Variants in GPR107 observed in about 807,000 individuals in gnomAD.
GPR107 encodes the protein protein GPR107.
In GPR107, 31 loss-of-function variants were observed where a neutral mutation model predicts 75.5. The observed-to-expected ratio is 0.41, with a 90% CI of 0.31 to 0.55. The LOEUF (loss-of-function observed/expected upper bound fraction) is 0.55, where lower values mean the gene tolerates loss of function less well. Ranked by LOEUF, GPR107 falls within the 20% of genes least tolerant of loss-of-function variation. GPR107 has a pLI of 0.26. For missense variants in GPR107, 572 were observed against 665.7 expected (o/e 0.86, Z 1.55); for synonymous variants, 267 against 251.3 (o/e 1.06, Z -0.59).
In GPR107 at chr9:130,110,385, C is replaced by T. The variant is rs1831265828; in HGVS notation, c.1306+2846C>T. 8.5e-6 allele frequency: 13 copies of T among 1,538,188 alleles called. No homozygotes were observed. Among genetic ancestry groups the T allele is most frequent in the Non-Finnish European group, 1.1e-5 (13 of 1,134,190 alleles). Reference sequence around the variant, plus strand: ...TTTCCACCAGGTGACAGCATGGGACCTCTTCAGCAGAGAGCGAATCTAAGA... The same window carrying T: ...TTTCCACCAGGTGACAGCATGGGACTTCTTCAGCAGAGAGCGAATCTAAGA... On this transcript the variant is annotated intron_variant, in intron 14 of 17. Coordinates refer to ENST00000347136, the MANE Select transcript of GPR107 (RefSeq NM_020960.5).
chr9:130,075,784 CTTTTTT>C, intron 2 of GPR107, 35 bp downstream of exon 2: 3 of 674,634 alleles, frequency 4.4e-6, no homozygotes, highest in South Asian at 1.8e-5. Flanking sequence ...GGGGTTTACT[CTTTTTT>C]TTTTTTTTTT....
intron 1 of GPR107, among the ~76,000 whole-genome samples, chr9:130,062,230 T>C (rs1288781118): frequency 6.6e-6 from 1 of 151,552 alleles, no homozygotes; most frequent in Non-Finnish European, 1.5e-5. Flanking sequence ...CTGGCCAACA[T>C]GGTAAAACCC....
intron 15 of GPR107, among the ~76,000 whole-genome samples, chr9:130,126,340 G>C (rs1228104558): frequency 6.9e-6 from 1 of 145,004 alleles, no homozygotes; most frequent in Non-Finnish European, 1.5e-5. Flanking sequence ...ACGTTTCCAA[G>C]TCTTTTTTTT....
chr9:130,101,357 ATTCTCT>A (rs1413214418), intron 12 of GPR107, 134 bp downstream of exon 12: 1 of 675,998 alleles, frequency 1.5e-6, no homozygotes, highest in African/African-American at 1.8e-5. Context: ...GAAGACTGAG[ATTCTCT>A]TTCTGAATTC....
rs2132561802 is a variant in GPR107 at position 130,076,563 on chromosome 9, G to C, written c.306+101G>C. 1.6e-5 allele frequency: 12 copies of C among 770,386 alleles called. No homozygotes were observed. In the South Asian group the frequency reaches 1.7e-4, roughly 11 times the overall value. The allele number at this position is 770,386 out of a possible 1,614,324, so 47.7% of individuals were successfully genotyped here. ...GCAGTTCCATTTTCATTTTTTTTTTGGAGTACGGTGGCACAATCATAGCTC... is the reference window on the plus strand; with the variant it reads ...GCAGTTCCATTTTCATTTTTTTTTTCGAGTACGGTGGCACAATCATAGCTC... On this transcript the variant is annotated intron_variant, in intron 3 of 17. Transcript: ENST00000347136.
chr9:130,107,612 T>G, intron 14 of GPR107, 73 bp downstream of exon 14: 3 of 962,150 alleles, frequency 3.1e-6, no homozygotes, highest in Non-Finnish European at 5.1e-6. Flanking sequence ...TGCGGAGGAG[T>G]GGAGGCAGCC....
In GPR107 at chr9:130,103,039, C is replaced by T. The variant is rs1320866881; in HGVS notation, c.1132-1381C>T. 6.6e-6 allele frequency among the ~76,000 whole-genome samples: 1 copy of T among 152,086 alleles called. No homozygotes were observed. The highest frequency in any genetic ancestry group is 1.5e-5 in the Non-Finnish European group (1 of 68,022). On this transcript the variant is annotated intron_variant, in intron 12 of 17. Coordinates refer to ENST00000347136, the MANE Select transcript of GPR107 (RefSeq NM_020960.5). The surrounding 1 kb of genome is among the most constrained non-coding windows in gnomAD (Gnocchi z 4.3). Reference sequence around the variant, plus strand: ...CTCCTGGGCTCAAGCAATCCTTCTGCCTTGGCTCCCCAAATTTCTGGGATT... The same window carrying T: ...CTCCTGGGCTCAAGCAATCCTTCTGTCTTGGCTCCCCAAATTTCTGGGATT...
At chr9:130,082,308 T>C (rs1407334249) in intron 5 of GPR107, among the ~76,000 whole-genome samples, 1 of 152,160 alleles carries the variant, frequency 6.6e-6, no homozygotes, top group Non-Finnish European at 1.5e-5. Flanking sequence ...ACAGAAAGAC[T>C]GCATTTGTGC....
chr9:130,131,061 C>A (rs73670514), intron 17 of GPR107, among the ~76,000 whole-genome samples: 1 of 152,062 alleles, frequency 6.6e-6, no homozygotes, highest in Non-Finnish European at 1.5e-5. Flanking sequence ...CGCTTATCTG[C>A]GGCGGTCGGA....
At chr9:130,132,623 C>T (rs868907771) in intron 17 of GPR107, among the ~76,000 whole-genome samples, 1 of 151,980 alleles carries the variant, frequency 6.6e-6, no homozygotes, top group Non-Finnish European at 1.5e-5. Flanking sequence ...CACATCTCTA[C>T]CAAAAATACA....
chr9:130,080,094 C>T (rs921166604), intron 5 of GPR107, among the ~76,000 whole-genome samples: 1 of 152,120 alleles, frequency 6.6e-6, no homozygotes, highest in Non-Finnish European at 1.5e-5. Flanking sequence ...TACTTTTTAG[C>T]CCATTTCATA....
Position 130,090,917 on chromosome 9 carries a change from C to T in GPR107, c.663C>T (p.Tyr221=), listed in dbSNP as rs1280008527. 2 of 1,553,930 alleles carry T rather than the reference C, an allele frequency of 1.3e-6. No homozygotes were observed. The highest frequency in any genetic ancestry group is 1.4e-5 in the African/African-American group (1 of 73,654). Residue 221 remains tyrosine, a synonymous_variant, in exon 8 of 18, where the codon TAC becomes TAT. Coordinates refer to ENST00000347136, the MANE Select transcript of GPR107 (RefSeq NM_020960.5). The part of the protein sequence containing the change: ...NISTDDQEGL[Y]SLYFHKCLGK... ...GCACTGATGACCAAGAAGGCCTTTA[C>T]AGTCTTTATTTTCATAAATGCCTTG... is the stretch of plus-strand genomic sequence containing the variant.
rs193081645 is a variant in GPR107, at chr9:130,127,203, G to A, written c.1357-280G>A. ...GGCTTATGTCTGTGGATAGGGTGAG[G>A]AAGGGTTAAGAACAACCTGACTAAA... is the stretch of plus-strand genomic sequence containing the variant. On this transcript the variant is annotated intron_variant, in intron 15 of 17. Transcript: ENST00000347136. 2.0e-4 allele frequency among the ~76,000 whole-genome samples: 31 copies of A among 152,292 alleles called. No homozygotes were observed. In the East Asian group the frequency reaches 3.5e-3, roughly 17 times the overall value.
Position 130,137,993 on chromosome 9 carries a change from G to A in GPR107, c.*2872G>A, listed in dbSNP as rs1832000606. 3 of 152,232 alleles carry A rather than the reference G, an allele frequency of 2.0e-5. No individual in the cohort carries two copies. The highest frequency in any genetic ancestry group is 2.0e-4 in the Admixed American group (3 of 15,282). 9.4% of individuals were successfully genotyped at this position (152,232 alleles called of 1,614,324 possible). A position where few individuals can be genotyped will look rare whatever the true frequency, so the allele number is the denominator to read the frequency against. On this transcript the variant is annotated 3_prime_UTR_variant, in exon 18 of 18. Coordinates refer to ENST00000347136, the MANE Select transcript of GPR107 (RefSeq NM_020960.5). ...GCTGCTGGCTGTGAAATTTAATAAA[G>A]TGTGTATGCTTTGCTAGAAAATTAT...
At chr9:130,079,880 T>G (rs1420938625) in intron 5 of GPR107, 111 bp downstream of exon 5, 1 of 601,204 alleles carries the variant, frequency 1.7e-6, no homozygotes, top group East Asian at 3.3e-5. Context: ...CTTAGCATTA[T>G]ATTTTGGAAG....
At chr9:130,097,420 G>T (rs544815598) in intron 9 of GPR107, among the ~76,000 whole-genome samples, 2 of 152,030 alleles carry the variant, frequency 1.3e-5, no homozygotes, top group African/African-American at 4.8e-5. Context: ...CTCCCAAAGT[G>T]CTGGGACTAC....
At chr9:130,073,747 TTTTG>T (rs1457064291) in intron 1 of GPR107, among the ~76,000 whole-genome samples, 1 of 152,062 alleles carries the variant, frequency 6.6e-6, no homozygotes, top group Admixed American at 6.6e-5. Flanking sequence ...TTTTTGTTTG[TTTTG>T]TTTGTTTGTT....
rs1831008510 is a variant in GPR107, at chr9:130,100,793, G to C, written c.1013+91G>C. ...AACCTGCCCCAAGTTAACCAGCCCT[G>C]CCCTCCTGTGGCAGCCTGTCTGGGC... On this transcript the variant is annotated intron_variant, in intron 11 of 17. Transcript: ENST00000347136. 3 of 909,144 alleles carry C rather than the reference G, an allele frequency of 3.3e-6. No individual in the cohort carries two copies. The Admixed American group carries it at 5.4e-5, about 16-fold the overall frequency. 56.3% of individuals were successfully genotyped at this position (909,144 alleles called of 1,614,324 possible). A position where few individuals can be genotyped will look rare whatever the true frequency, so the allele number is the denominator to read the frequency against.
chr9:130,100,855 T>C (rs1037518454), intron 11 of GPR107, among the ~76,000 whole-genome samples, 153 bp downstream of exon 11: 2 of 152,234 alleles, frequency 1.3e-5, no homozygotes, highest in Non-Finnish European at 2.9e-5. Context: ...CATGGGTGGC[T>C]GTCCAGACTT....
Sources: allele counts gnomAD v4.1 joint callset (sites outside exome capture counted in the v4.1 genomes callset), GRCh38; gene constraint gnomAD v4.1.1; non-coding constraint Gnocchi (gnomAD v3.1); transcripts MANE v1.5; gene names NCBI Gene and HGNC (gene_info 2026-07-23, HGNC 2026-07-21).